Variants in ROBO1 observed in about 807,000 individuals in gnomAD.
ROBO1 encodes the protein roundabout homolog 1.
Under a neutral mutation model 195.9 loss-of-function variants are expected in ROBO1, and 149 were observed. The observed-to-expected ratio is 0.76, with a 90% confidence interval of 0.67 to 0.87. The LOEUF (loss-of-function observed/expected upper bound fraction) is 0.87. ROBO1 is among the 40% of genes least tolerant of loss of function. The pLI is 0.00. For missense variants in ROBO1, 1,933 were observed against 2,068.3 expected (o/e 0.93, Z 1.27); for synonymous variants, 816 against 733.2 (o/e 1.11, Z -1.82).
intron 1 of ROBO1, among the ~76,000 whole-genome samples, chr3:79,704,641 A>C (rs1947714348): frequency 6.6e-6 from 1 of 152,084 alleles, no homozygotes; most frequent in African/African-American, 2.4e-5. Context: ...AAGATGCTGT[A>C]AATATTCATG....
intron 1 of ROBO1, among the ~76,000 whole-genome samples, chr3:79,591,931 C>A (rs1944010996): frequency 6.6e-6 from 1 of 151,628 alleles, no homozygotes; most frequent in Non-Finnish European, 1.5e-5. Flanking sequence ...TGGAAAAAAC[C>A]CTAGACCTCT....
chr3:79,719,342 C>T (rs9309830), intron 1 of ROBO1, among the ~76,000 whole-genome samples: 45,065 of 151,828 alleles, frequency 0.3, 7,744 homozygotes, highest in African/African-American at 0.48. Context: ...TAAATCTTGT[C>T]CCACCAATAT....
intron 1 of ROBO1, among the ~76,000 whole-genome samples, chr3:79,661,131 C>A (rs114304311): frequency 0.013 from 1,941 of 152,066 alleles, 41 homozygotes; most frequent in African/African-American, 0.042. Flanking sequence ...AACTTTTATC[C>A]TACCTTCCTG....
chr3:78,729,162 T>C (rs1369950091), intron 5 of ROBO1, among the ~76,000 whole-genome samples: 6 of 152,172 alleles, frequency 3.9e-5, no homozygotes, highest in Non-Finnish European at 7.4e-5. Flanking sequence ...CTCATAACAA[T>C]TGATAAATTG....
chr3:78,645,161 A>C (rs1706198090), intron 21 of ROBO1, among the ~76,000 whole-genome samples: 1 of 152,156 alleles, frequency 6.6e-6, no homozygotes, highest in African/African-American at 2.4e-5. Flanking sequence ...AGGAAAGAAA[A>C]GATTAGTACT....
At chr3:79,644,672 TGGTGGG>T (rs1945765393) in intron 1 of ROBO1, among the ~76,000 whole-genome samples, 1 of 152,182 alleles carries the variant, frequency 6.6e-6, no homozygotes, top group Admixed American at 6.5e-5. Context: ...AATGAGATTT[TGGTGGG>T]GACACAGCCA....
intron 2 of ROBO1, among the ~76,000 whole-genome samples, chr3:79,351,959 G>T (rs2035360010): frequency 6.6e-6 from 1 of 152,116 alleles, no homozygotes; most frequent in Non-Finnish European, 1.5e-5. Flanking sequence ...ATACGTCTTT[G>T]CAATAAAAAT....
At chr3:79,466,482 C>T (rs1305761472) in intron 2 of ROBO1, among the ~76,000 whole-genome samples, 2 of 152,090 alleles carry the variant, frequency 1.3e-5, no homozygotes, top group African/African-American at 4.8e-5. Flanking sequence ...AATGAGCTAG[C>T]TTTTTATTTA....
intron 4 of ROBO1, among the ~76,000 whole-genome samples, chr3:78,828,392 T>C (rs905563901): frequency 6.6e-6 from 1 of 152,208 alleles, no homozygotes; most frequent in African/African-American, 2.4e-5. Context: ...CTAGAATACA[T>C]TAATTTATTG....
At chr3:78,952,267 TGAGTAGCTGACA>T (rs2040830717) in intron 3 of ROBO1, among the ~76,000 whole-genome samples, 1 of 150,986 alleles carries the variant, frequency 6.6e-6, no homozygotes, top group Non-Finnish European at 1.5e-5. Context: ...ACAAATTCAG[TGAGTAGCTGACA>T]GATACACCAT....
chr3:78,999,213 A>G (rs2077438645), intron 3 of ROBO1, among the ~76,000 whole-genome samples: 1 of 152,120 alleles, frequency 6.6e-6, no homozygotes, highest in Non-Finnish European at 1.5e-5. Flanking sequence ...AAATCCCATT[A>G]ACCAAAATAA....
intron 2 of ROBO1, among the ~76,000 whole-genome samples, chr3:79,140,844 G>A (rs1405141453): frequency 1.3e-5 from 2 of 151,910 alleles, no homozygotes; most frequent in African/African-American, 2.4e-5. Flanking sequence ...CTTAGCACTC[G>A]TTTACACGGA....
chr3:78,827,250 T>C (rs2108716771), intron 4 of ROBO1, among the ~76,000 whole-genome samples: 1 of 152,306 alleles, frequency 6.6e-6, no homozygotes, highest in African/African-American at 2.4e-5. Context: ...AAACTATATA[T>C]TTTAGCCTTC....
intron 1 of ROBO1, among the ~76,000 whole-genome samples, chr3:79,752,958 C>T (rs554596460): frequency 2.0e-5 from 3 of 152,056 alleles, no homozygotes; most frequent in East Asian, 1.9e-4. Context: ...AAATCTAATA[C>T]GATTGAGGAT....
At chr3:79,143,771 A>G (rs9856034) in intron 2 of ROBO1, among the ~76,000 whole-genome samples, 69,944 of 151,726 alleles carry the variant, frequency 0.46, 17,157 homozygotes, top group Middle Eastern at 0.6. Flanking sequence ...CAGGATATTA[A>G]CATTGATAAT....
chr3:79,505,499 C>T (rs758165448), intron 2 of ROBO1, among the ~76,000 whole-genome samples: 1 of 152,090 alleles, frequency 6.6e-6, no homozygotes, highest in Non-Finnish European at 1.5e-5. Flanking sequence ...GCAGGATGAA[C>T]TTTTTCCTGA....
intron 4 of ROBO1, among the ~76,000 whole-genome samples, chr3:78,894,560 G>A (rs1222490220): frequency 6.6e-6 from 1 of 151,992 alleles, no homozygotes; most frequent in East Asian, 1.9e-4. Flanking sequence ...CAATAACAAA[G>A]ATGAAATAAA....
chr3:79,704,469 C>T (rs1947709684), intron 1 of ROBO1, among the ~76,000 whole-genome samples: 1 of 151,936 alleles, frequency 6.6e-6, no homozygotes, highest in African/African-American at 2.4e-5. Flanking sequence ...GCTTCTTTCA[C>T]TTAGTAATAT....
intron 8 of ROBO1, among the ~76,000 whole-genome samples, chr3:78,697,018 C>A (rs376056878): frequency 4.9e-5 from 7 of 144,160 alleles, no homozygotes; most frequent in African/African-American, 5.2e-5. Context: ...TTGACAAGAA[C>A]CCCCCTGTCT....
Sources: gnomAD v4.1 joint callset for allele counts (sites outside exome capture counted in the v4.1 genomes callset) on GRCh38, gnomAD v4.1.1 for gene constraint, MANE v1.5 for transcripts, NCBI Gene and HGNC (gene_info 2026-07-23, HGNC 2026-07-21) for gene names.